ZNF385D: variants seen among roughly 807,000 people sequenced by gnomAD.
ZNF385D encodes zinc finger protein 659.
ZNF385D carries 15 observed loss-of-function variants against 35.8 expected under a neutral mutation model. That is an observed-to-expected ratio of 0.42 (90% CI 0.28 to 0.64). The LOEUF is 0.64. ZNF385D is among the 30% of genes least tolerant of loss of function. The pLI, the probability that ZNF385D is intolerant of heterozygous loss-of-function variation, is 0.23. For synonymous variants in ZNF385D, 212 were observed against 186.8 expected, an observed-to-expected ratio of 1.13 and a Z score of -1.10; for missense variants, 474 against 494.6, an observed-to-expected ratio of 0.96 and a Z score of 0.39.
At chr3:21,633,286 T>C (rs768588745) in intron 2 of ZNF385D, among the ~76,000 whole-genome samples, 4 of 152,088 alleles carry the variant, frequency 2.6e-5, no homozygotes, top group Non-Finnish European at 5.9e-5. Context: ...CTATAGCACT[T>C]GGATTATACA....
intron 2 of ZNF385D, among the ~76,000 whole-genome samples, chr3:22,249,876 T>G (rs1384075872): frequency 1.3e-5 from 2 of 152,152 alleles, no homozygotes; most frequent in Non-Finnish European, 2.9e-5. Context: ...TTTTCCTTTC[T>G]CAAAGAAGCC....
At chr3:21,633,538 A>T (rs1164932716) in intron 2 of ZNF385D, among the ~76,000 whole-genome samples, 2 of 152,108 alleles carry the variant, frequency 1.3e-5, no homozygotes, top group South Asian at 4.1e-4. Context: ...TTATCAAGAG[A>T]TTATTACTAC....
At chr3:22,179,631 G>T (rs917475796) in intron 2 of ZNF385D, among the ~76,000 whole-genome samples, 5 of 152,196 alleles carry the variant, frequency 3.3e-5, no homozygotes, top group African/African-American at 7.2e-5. Flanking sequence ...ATGTTGAACA[G>T]AAGTGGTGAG....
chr3:21,465,188 A>G lies in ZNF385D; in HGVS notation c.440-27985T>C, dbSNP rs1703440133. ...CACTGTGCCCTTGAACACAGTGAAAATTTACATATTTTCACTTTTATTTTC... is the reference window on the plus strand; with the variant it reads ...CACTGTGCCCTTGAACACAGTGAAAGTTTACATATTTTCACTTTTATTTTC... On this transcript the variant is annotated intron_variant, in intron 4 of 7. Coordinates refer to ENST00000281523, the MANE Select transcript of ZNF385D (RefSeq NM_024697.3). This position sits in a 1 kb window ranked among gnomAD's most constrained non-coding sequence, Gnocchi z 4.2. Among the ~76,000 whole-genome samples the G allele has an allele frequency of 6.6e-6, 1 of 152,078 alleles. No homozygotes were observed. The highest frequency in any genetic ancestry group is 2.1e-4 in the South Asian group (1 of 4,830).
At chr3:21,460,734 C>T (rs895055791) in intron 4 of ZNF385D, among the ~76,000 whole-genome samples, 3 of 152,086 alleles carry the variant, frequency 2.0e-5, no homozygotes, top group Non-Finnish European at 4.4e-5. Flanking sequence ...TTACAACATT[C>T]ATAACCTCCA....
chr3:22,256,799 A>T (rs1315235632), intron 2 of ZNF385D, among the ~76,000 whole-genome samples: 1 of 151,784 alleles, frequency 6.6e-6, no homozygotes, highest in East Asian at 1.9e-4. Flanking sequence ...ACCATTCTTC[A>T]ATGTGTTGTA....
intron 2 of ZNF385D, among the ~76,000 whole-genome samples, chr3:21,656,424 T>C (rs1350631212): frequency 6.6e-6 from 1 of 151,980 alleles, no homozygotes; most frequent in Non-Finnish European, 1.5e-5. Flanking sequence ...GTCTCCTTGG[T>C]TGTAGATGAC....
In ZNF385D at chr3:21,802,917, A is replaced by C. The variant is rs552507575; in HGVS notation, c.326-137889T>G. On this transcript the variant is annotated intron_variant, in intron 3 of 5. Coordinates refer to the ZNF385D transcript ENST00000494108. ...TGATTGGGCAAATGCTCCCAGGAGG[A>C]ACAAGGAAAGATGTTGGGAAGTAGG... is the stretch of plus-strand genomic sequence containing the variant. Among the ~76,000 whole-genome samples, 10 of 152,330 alleles carry C rather than the reference A, an allele frequency of 6.6e-5. No individual in the cohort carries two copies. The South Asian group carries it at 2.1e-3, about 32-fold the overall frequency.
chr3:21,671,803 A>C (rs757756920), intron 1 of ZNF385D, among the ~76,000 whole-genome samples: 2 of 152,168 alleles, frequency 1.3e-5, no homozygotes, highest in Non-Finnish European at 2.9e-5. Flanking sequence ...AAGAAGGGTC[A>C]CATTCCTTGT....
chr3:22,045,498 CTCTTT>C (rs1425322634), intron 3 of ZNF385D, among the ~76,000 whole-genome samples: 1 of 152,048 alleles, frequency 6.6e-6, no homozygotes, highest in African/African-American at 2.4e-5. Flanking sequence ...GCTCCCACTT[CTCTTT>C]TAATTTCTAC....
At chr3:21,981,161 T>A (rs1333584492) in intron 3 of ZNF385D, among the ~76,000 whole-genome samples, 1 of 152,132 alleles carries the variant, frequency 6.6e-6, no homozygotes. Flanking sequence ...CCACAATGGT[T>A]GAAGTAATTT....
chr3:21,668,008 G>C (rs778548044), intron 1 of ZNF385D, among the ~76,000 whole-genome samples: 1 of 152,186 alleles, frequency 6.6e-6, no homozygotes, highest in African/African-American at 2.4e-5. Context: ...TGTTGGAAGA[G>C]AGCAATGTAT....
intron 2 of ZNF385D, among the ~76,000 whole-genome samples, chr3:21,613,767 T>C (rs2064758946): frequency 6.6e-6 from 1 of 152,336 alleles, no homozygotes; most frequent in Non-Finnish European, 1.5e-5. Context: ...AACATGAATT[T>C]GTAAGGGAAC....
At chr3:21,566,932 A>G (rs1035564697) in intron 2 of ZNF385D, among the ~76,000 whole-genome samples, 1 of 152,144 alleles carries the variant, frequency 6.6e-6, no homozygotes, top group African/African-American at 2.4e-5. Flanking sequence ...CATTTCACAT[A>G]AATGTTATCA....
chr3:21,735,667 T>G (rs13072271), intron 1 of ZNF385D, among the ~76,000 whole-genome samples: 26,785 of 152,140 alleles, frequency 0.18, 2,784 homozygotes, highest in Admixed American at 0.31. Context: ...TATCATTAAG[T>G]GCAGTGATTG....
chr3:22,229,934 C>T lies in ZNF385D; in HGVS notation c.107-60899G>A, dbSNP rs528720083. 2.2e-4 allele frequency among the ~76,000 whole-genome samples: 33 copies of T among 152,258 alleles called. No homozygotes were observed. In the East Asian group the frequency reaches 3.1e-3, roughly 14 times the overall value. On this transcript the variant is annotated intron_variant, in intron 2 of 5. Coordinates refer to the ZNF385D transcript ENST00000494108. ...TCAACATTGTACTGCCCATTTGTAG[C>T]GCATAATCCACTTTTCTAACACCTT...
intron 4 of ZNF385D, among the ~76,000 whole-genome samples, chr3:21,471,293 TCTCACACACACA>T (rs771680002): frequency 9.7e-4 from 29 of 30,010 alleles, no homozygotes; most frequent in South Asian, 8.4e-3. Flanking sequence ...TCTCTCTCTC[TCTCACACACACA>T]CACACACACA....
chr3:22,269,998 A>G (rs796856086), intron 2 of ZNF385D, among the ~76,000 whole-genome samples: 28 of 151,932 alleles, frequency 1.8e-4, no homozygotes, highest in African/African-American at 5.5e-4. Context: ...TGTACGTGTG[A>G]TCATCCAGGC....
At chr3:22,333,975 T>C (rs748140291) in intron 2 of ZNF385D, among the ~76,000 whole-genome samples, 5 of 152,250 alleles carry the variant, frequency 3.3e-5, no homozygotes, top group Admixed American at 2.6e-4. Flanking sequence ...GAATGTTTTA[T>C]GTATTTTATA....
Sources: gnomAD v4.1 joint callset for allele counts (sites outside exome capture counted in the v4.1 genomes callset) on GRCh38, gnomAD v4.1.1 for gene constraint, Gnocchi (gnomAD v3.1) non-coding constraint, MANE v1.5 for transcripts, NCBI Gene and HGNC (gene_info 2026-07-23, HGNC 2026-07-21) for gene names.